The following INF2 variants were observed in gnomAD, a reference collection of about 807,000 sequenced individuals.
INF2 encodes inverted formin-2.
In INF2, 43 loss-of-function variants were observed where a neutral mutation model predicts 123.5. The ratio of observed to expected loss-of-function variants is 0.35; its 90% CI spans 0.27 to 0.45. INF2 has a LOEUF of 0.45. Among genes scored for constraint, INF2 ranks in the 20% least tolerant of loss-of-function variants. The pLI is 1.00. For missense variants in INF2, 1,453 were observed against 1,682.7 expected (o/e 0.86, Z 2.39); for synonymous variants, 851 against 745.0 (o/e 1.14, Z -2.32).
intron 1 of INF2, among the ~76,000 whole-genome samples, chr14:104,696,299 A>G (rs1308618776): frequency 6.6e-6 from 1 of 152,230 alleles, no homozygotes; most frequent in African/African-American, 2.4e-5. Context: ...TGCAGGTGGC[A>G]TGAGGGCTGG....
Position 104,703,472 on chromosome 14 carries a change from G to A in INF2, c.667+18G>A. On this transcript the variant is annotated intron_variant, in intron 4 of 22. Coordinates refer to ENST00000392634, the MANE Select transcript of INF2 (RefSeq NM_022489.4). ...GTTTATCGGTAAGCACCTGCCCTGGGCCGCATGCCCGCTCCTGCCCGCCTC... is the reference window on the plus strand; with the variant it reads ...GTTTATCGGTAAGCACCTGCCCTGGACCGCATGCCCGCTCCTGCCCGCCTC... 1 of 1,609,762 alleles carries A rather than the reference G, an allele frequency of 6.2e-7. No individual in the cohort carries two copies. Among genetic ancestry groups the A allele is most frequent in the Non-Finnish European group, 8.5e-7 (1 of 1,179,876 alleles).
rs201180682 is a variant in INF2, at chr14:104,713,464, G to T, written c.2898G>T (p.Lys966Asn). 1.7e-5 allele frequency: 27 copies of T among 1,611,274 alleles called. No homozygotes were observed. The East Asian group carries it at 5.6e-4, about 33-fold the overall frequency. The change falls in exon 20 of 23, where the codon AAG becomes AAT. Residue 966 changes from lysine (K) to asparagine (N), a missense_variant. By Grantham distance (94) the Lys-to-Asn change is moderately conservative. Around this residue, in one of 8 missense-constraint regions of INF2, gnomAD observed 212 missense variants for 266.2 expected, o/e 0.80. Coordinates refer to ENST00000392634, the MANE Select transcript of INF2 (RefSeq NM_022489.4). ...CCTCAGTCAGGAAGGGGCCCGGGAA[G>T]CAGGAGGAGGTGTGTGTCATCGATG... Reference protein sequence around the residue: ...DGKPVRKGPGKQEEVCVIDAL... With the variant: ...DGKPVRKGPGNQEEVCVIDAL...
At position 104,707,831 on chromosome 14, in the gene INF2, C is replaced by A. The variant is rs369895163; in HGVS notation, c.1564C>A (p.Leu522Met). The change falls in exon 8 of 23, where the codon CTG becomes ATG. Residue 522 changes from leucine to methionine, a missense_variant. By Grantham distance (15) the Leu-to-Met change is conservative (BLOSUM62 2). Transcript: ENST00000392634. ...WGPPPPPPPL[L>M]PCTCSPPVAG... ...CCCTCCTCCACCCCCACCTCCACTA[C>A]TGCCCTGCACCTGCAGCCCCCCCGT... 2 of 1,585,216 alleles carry A rather than the reference C, an allele frequency of 1.3e-6. No homozygotes were observed. Among genetic ancestry groups the A allele is most frequent in the Non-Finnish European group, 1.7e-6 (2 of 1,165,762 alleles).
chr14:104,688,573 GTACT>G (rs1888761634), upstream of INF2, among the ~76,000 whole-genome samples: 1 of 152,136 alleles, frequency 6.6e-6, no homozygotes, highest in Non-Finnish European at 1.5e-5. Flanking sequence ...GCCCTTACGG[GTACT>G]TATTCTATTT....
In INF2 at chr14:104,714,819, G is replaced by T; in HGVS notation, c.3657G>T (p.Gly1219=). 1.9e-6 allele frequency: 3 copies of T among 1,594,200 alleles called. No individual in the cohort carries two copies. The South Asian group carries it at 3.4e-5, about 18-fold the overall frequency. ...GGGGCCGGGCCTCAAAGGGGACCGG[G>T]AAGCGAAGGAAGAAGCGTCCCTCCA... is the stretch of plus-strand genomic sequence containing the variant. ...RARGRASKGT[G]KRRKKRPSRS... The change falls in exon 21 of 23, where the codon GGG becomes GGT. Residue 1219 remains glycine (G), a synonymous_variant. Transcript: ENST00000392634.
upstream of INF2, among the ~76,000 whole-genome samples, chr14:104,685,999 GTAGGTGGGTGGA>G (rs1300199314): frequency 9.0e-5 from 10 of 111,444 alleles, no homozygotes; most frequent in African/African-American, 3.0e-4. Flanking sequence ...GGATGGATGG[GTAGGTGGGTGGA>G]TAGGTGGGTG....
chr14:104,706,860 C>T, intron 6 of INF2, 50 bp from the exon 7 acceptor site: 1 of 1,592,650 alleles, frequency 6.3e-7, no homozygotes, highest in South Asian at 1.1e-5. Flanking sequence ...GTCCTTAGTC[C>T]ACCAGGGAGG....
Position 104,707,761 on chromosome 14 carries a change from A to T in INF2, c.1494A>T (p.Gly498=), listed in dbSNP as rs1380544714. Residue 498 remains glycine (G), a synonymous_variant, in exon 8 of 23, where the codon GGA becomes GGT. Transcript: ENST00000392634. The part of the protein sequence containing the change: ...PPPPPPLPGL[G]CPPPPPPLLP... Reference sequence around the variant, plus strand: ...CACCTCCACCACTCCCGGGCTTGGGATGCCCGCCCCCACCCCCACCCCTGC... The same window carrying T: ...CACCTCCACCACTCCCGGGCTTGGGTTGCCCGCCCCCACCCCCACCCCTGC... 26 of 829,872 alleles carry T rather than the reference A, an allele frequency of 3.1e-5. No individual in the cohort carries two copies. Among genetic ancestry groups the T allele is most frequent in the Non-Finnish European group, 4.3e-5 (24 of 556,792 alleles). 51.4% of individuals were successfully genotyped at this position (829,872 alleles called of 1,614,324 possible).
intron 1 of INF2, among the ~76,000 whole-genome samples, chr14:104,700,310 T>C (rs1278391103): frequency 6.6e-6 from 1 of 152,044 alleles, no homozygotes; most frequent in East Asian, 1.9e-4. Context: ...GTGGGAGGTA[T>C]AAAGTGCCTG....
At chr14:104,704,252 C>A in intron 5 of INF2, 1 of 1,191,586 alleles carries the variant, frequency 8.4e-7, no homozygotes, top group Non-Finnish European at 1.1e-6. Context: ...TGAACCAACC[C>A]AGAAACAGAA....
chr14:104,701,796 G>A (rs1411535753), intron 2 of INF2, 40 bp downstream of exon 2: 6 of 1,452,096 alleles, frequency 4.1e-6, no homozygotes, highest in African/African-American at 2.8e-5. Flanking sequence ...GCGGACGCTG[G>A]GGACCTGGTA....
At chr14:104,681,674 CAGG>C in intron 1 of INF2, 1 of 1,056,282 alleles carries the variant, frequency 9.5e-7, no homozygotes, top group Non-Finnish European at 1.3e-6. Flanking sequence ...CATCTGAGTG[CAGG>C]AGGCACAGGC....
chr14:104,701,800 C>G (rs2140640043), intron 2 of INF2, 44 bp downstream of exon 2: 3 of 1,448,562 alleles, frequency 2.1e-6, no homozygotes, highest in Admixed American at 5.3e-5. Flanking sequence ...ACGCTGGGGA[C>G]CTGGTATGAG....
chr14:104,681,518 C>G (rs558542485), exon 1 of INF2: 1 of 1,279,662 alleles, frequency 7.8e-7, no homozygotes. Flanking sequence ...CGCCCCCTCT[C>G]AGCAAACTCC....
In INF2 at chr14:104,718,931, G is replaced by A. The variant is rs1182309881; in HGVS notation, c.*138G>A. 25 of 1,471,882 alleles carry A rather than the reference G, an allele frequency of 1.7e-5. No homozygotes were observed. The highest frequency in any genetic ancestry group is 2.6e-5 in the Admixed American group (1 of 38,138). The allele number at this position is 1,471,882 out of a possible 1,614,324, so 91.2% of individuals were successfully genotyped here. A position where few individuals can be genotyped will look rare whatever the true frequency, so the allele number is the denominator to read the frequency against. ...CAAAACTCCGTGCCTTACCCAGCCGGGGCCCTCCTGGAGCCTTCTTGGGGT... is the reference window on the plus strand; with the variant it reads ...CAAAACTCCGTGCCTTACCCAGCCGAGGCCCTCCTGGAGCCTTCTTGGGGT... On this transcript the variant is annotated 3_prime_UTR_variant, in exon 23 of 23. Transcript: ENST00000392634.
intron 22 of INF2, 137 bp downstream of exon 22, chr14:104,715,477 G>C: frequency 1.2e-6 from 1 of 826,752 alleles, no homozygotes; most frequent in Non-Finnish European, 2.1e-6. Context: ...TGGCCTTGCC[G>C]CTCCCGCAGC....
Position 104,708,735 on chromosome 14 carries a change from G to A in INF2, c.1949+3G>A, listed in dbSNP as rs747818846. The stretch of plus-strand genomic sequence containing the variant: ...ATCTTCCTGAAGCAATTTAAGTGGT[G>A]AGTGAGGGAGGTAGCCCCCATCCCA... On this transcript the variant is annotated splice_donor_region_variant and intron_variant, in intron 10 of 22. Transcript: ENST00000392634. 39 of 1,612,896 alleles carry A rather than the reference G, an allele frequency of 2.4e-5. No individual in the cohort carries two copies. The highest frequency in any genetic ancestry group is 1.6e-4 in the Middle Eastern group (1 of 6,084).
intron 1 of INF2, among the ~76,000 whole-genome samples, chr14:104,682,207 C>A (rs751027737): frequency 6.6e-6 from 1 of 152,096 alleles, no homozygotes; most frequent in Non-Finnish European, 1.5e-5. Flanking sequence ...GCCGGGCGCT[C>A]AGGAAGATGC....
chr14:104,709,371 C>G lies in INF2; in HGVS notation c.2040C>G (p.Pro680=). ...TCAAACAACTCCTTAAGCTCCTTCCCGAGAAGCACGAGGTAAGAGGACCAC... is the reference window on the plus strand; with the variant it reads ...TCAAACAACTCCTTAAGCTCCTTCCGGAGAAGCACGAGGTAAGAGGACCAC... The part of the protein sequence containing the change: ...EVLKQLLKLL[P]EKHEIENLRA... The change falls in exon 11 of 23, where the codon CCC becomes CCG. Residue 680 remains proline (P), a synonymous_variant. Coordinates refer to ENST00000392634, the MANE Select transcript of INF2 (RefSeq NM_022489.4). 6.2e-7 allele frequency: 1 copy of G among 1,612,482 alleles called. No homozygotes were observed. Among genetic ancestry groups the G allele is most frequent in the Non-Finnish European group, 8.5e-7 (1 of 1,179,402 alleles).
Sources: allele counts gnomAD v4.1 joint callset (sites outside exome capture counted in the v4.1 genomes callset), GRCh38; gene constraint gnomAD v4.1.1; regional missense constraint gnomAD v4.1.1; transcripts MANE v1.5; gene names NCBI Gene and HGNC (gene_info 2026-07-23, HGNC 2026-07-21).